The following JAKMIP3 variants were observed in gnomAD, a reference collection of about 807,000 sequenced individuals.
The protein encoded by JAKMIP3 is Janus kinase and microtubule interacting protein 3.
In JAKMIP3, 58 loss-of-function variants were observed where a neutral mutation model predicts 118.5. That is an observed-to-expected ratio of 0.49 (90% CI 0.40 to 0.61). The LOEUF is 0.61. Ranked by LOEUF, JAKMIP3 falls within the 20% of genes least tolerant of loss-of-function variation. The pLI, the probability that JAKMIP3 is intolerant of heterozygous loss-of-function variation, is 0.00. For missense variants in JAKMIP3, 950 were observed against 1,109.0 expected (o/e 0.86, Z 2.04); for synonymous variants, 486 against 451.2 (o/e 1.08, Z -0.98).
At chr10:132,047,870 C>G (rs1448162832) in intron 1 of JAKMIP3, among the ~76,000 whole-genome samples, 1 of 45,548 alleles carries the variant, frequency 2.2e-5, no homozygotes, top group East Asian at 0.042. Context: ...GTGTTCCCCA[C>G]CCCCCGCCCC....
chr10:132,184,255 T>A lies in JAKMIP3; in HGVS notation c.*3002T>A, dbSNP rs2061685093. 6.6e-6 allele frequency: 1 copy of A among 152,262 alleles called. No individual in the cohort carries two copies. The highest frequency in any genetic ancestry group is 2.4e-5 in the African/African-American group (1 of 41,476). The allele number at this position is 152,262 out of a possible 1,614,324, so 9.4% of individuals were successfully genotyped here. On this transcript the variant is annotated 3_prime_UTR_variant, in exon 24 of 24. Transcript: ENST00000684848. ...AGGACTATGGCTGTTCCTTAAAGTC[T>A]CTGCCCTTGCAGAATCTGTAGCCTT...
At chr10:132,042,584 G>T (rs2037796339) in intron 1 of JAKMIP3, among the ~76,000 whole-genome samples, 1 of 152,122 alleles carries the variant, frequency 6.6e-6, no homozygotes, top group African/African-American at 2.4e-5. Flanking sequence ...TCCCCATCCT[G>T]GCTGCAGGGA....
chr10:132,063,773 T>G (rs557671161), upstream of JAKMIP3, among the ~76,000 whole-genome samples: 164 of 152,294 alleles, frequency 1.1e-3, 1 homozygote, highest in African/African-American at 3.9e-3. Flanking sequence ...AAATATTGTT[T>G]CCAATTCTAC....
At chr10:132,155,764 C>G (rs2057016978) in intron 19 of JAKMIP3, among the ~76,000 whole-genome samples, 1 of 152,314 alleles carries the variant, frequency 6.6e-6, no homozygotes, top group African/African-American at 2.4e-5. Context: ...GCAGTGTGCA[C>G]ATGACTGCGT....
At chr10:132,108,426 T>C (rs1488976535) in intron 2 of JAKMIP3, among the ~76,000 whole-genome samples, 4 of 152,132 alleles carry the variant, frequency 2.6e-5, no homozygotes, top group Non-Finnish European at 5.9e-5. Flanking sequence ...AAAATAATTA[T>C]TCTTCATCTC....
At chr10:132,173,013 C>CCT (rs2059688587) in intron 23 of JAKMIP3, among the ~76,000 whole-genome samples, 1 of 28,894 alleles carries the variant, frequency 3.5e-5, no homozygotes, top group African/African-American at 2.1e-4. Flanking sequence ...CTCTCTCTCT[C>CCT]TCCCTCTCTC....
intron 9 of JAKMIP3, among the ~76,000 whole-genome samples, chr10:132,138,628 A>C (rs937781146): frequency 9.2e-5 from 14 of 152,234 alleles, no homozygotes; most frequent in Non-Finnish European, 1.3e-4. Context: ...CATTTTTAAT[A>C]AACTTGTTTC....
In JAKMIP3 at chr10:132,078,593, C is replaced by T. The variant is rs138146803; in HGVS notation, c.-138+12532C>T. ...TGCGCATAACACGCCCCCTTTCCCA[C>T]TGAGCCCAGGGACCTTCTCTGGGGG... On this transcript the variant is annotated intron_variant, in intron 1 of 23. Transcript: ENST00000684848. Among the ~76,000 whole-genome samples the T allele has an allele frequency of 3.9e-3, 553 of 142,114 alleles. 2 individuals are homozygous for T. The highest frequency in any genetic ancestry group is 7.9e-3 in the Admixed American group (110 of 13,882). 93.2% of individuals were successfully genotyped at this position (142,114 alleles called of 152,430 possible). A position where few individuals can be genotyped will look rare whatever the true frequency, so the allele number is the denominator to read the frequency against.
intron 2 of JAKMIP3, among the ~76,000 whole-genome samples, chr10:132,110,454 C>T (rs2046688711): frequency 6.6e-6 from 1 of 152,260 alleles, no homozygotes; most frequent in Non-Finnish European, 1.5e-5. Context: ...GTGGTTAAAT[C>T]CGTTTACATT....
At chr10:132,109,707 G>A (rs962450629) in intron 2 of JAKMIP3, among the ~76,000 whole-genome samples, 7 of 152,080 alleles carry the variant, frequency 4.6e-5, no homozygotes, top group African/African-American at 1.2e-4. Flanking sequence ...GTTGACCTTC[G>A]AGTCTTCCTG....
At chr10:132,076,350 T>C (rs1466584454) in intron 1 of JAKMIP3, among the ~76,000 whole-genome samples, 1 of 152,282 alleles carries the variant, frequency 6.6e-6, no homozygotes, top group South Asian at 2.1e-4. Context: ...TCATTCCTTT[T>C]CATTGCTGGA....
intron 1 of JAKMIP3, among the ~76,000 whole-genome samples, chr10:132,054,658 A>G (rs537120866): frequency 6.6e-6 from 1 of 152,076 alleles, no homozygotes; most frequent in African/African-American, 2.4e-5. Flanking sequence ...TTAAGGGAGG[A>G]GGGGGTCACC....
At chr10:132,161,493 G>A (rs2058303537) in intron 19 of JAKMIP3, among the ~76,000 whole-genome samples, 1 of 88,198 alleles carries the variant, frequency 1.1e-5, no homozygotes, top group African/African-American at 4.6e-5. Flanking sequence ...TGTGATGCTG[G>A]GGGGGTCTCT....
At chr10:132,065,568 C>T (rs922740206), upstream of JAKMIP3, among the ~76,000 whole-genome samples, 14 of 152,136 alleles carry the variant, frequency 9.2e-5, no homozygotes, top group Non-Finnish European at 1.6e-4. This position sits in a 1 kb window ranked among gnomAD's most constrained non-coding sequence, Gnocchi z 5.6. Flanking sequence ...ATGGCCCAGC[C>T]GTGGCCTCTG....
chr10:132,108,165 G>GTT (rs2046215161), intron 2 of JAKMIP3, among the ~76,000 whole-genome samples: 1 of 152,196 alleles, frequency 6.6e-6, no homozygotes, highest in African/African-American at 2.4e-5. Flanking sequence ...CTGCCAGGGG[G>GTT]TTCTTTCTAG....
intron 19 of JAKMIP3, among the ~76,000 whole-genome samples, chr10:132,159,823 GGGCCTCTCCCTGTGT>G: frequency 5.5e-5 from 5 of 90,658 alleles, no homozygotes; most frequent in African/African-American, 2.0e-4. Flanking sequence ...TGATGCTGGG[GGGCCTCTCCCTGTGT>G]GATGCTGGGG....
At chr10:132,119,016 G>C (rs116526855) in intron 3 of JAKMIP3, among the ~76,000 whole-genome samples, 1 of 152,110 alleles carries the variant, frequency 6.6e-6, no homozygotes, top group Admixed American at 6.5e-5. Flanking sequence ...GTAAAGGCTC[G>C]TAACAGAAAC....
At chr10:132,180,658 CGTGTGTGCGTGTGTGT>C (rs2060982781) in intron 23 of JAKMIP3, among the ~76,000 whole-genome samples, 2 of 8,422 alleles carry the variant, frequency 2.4e-4, no homozygotes, top group Admixed American at 1.3e-3. Flanking sequence ...TGTGCGTGTG[CGTGTGTGCGTGTGTGT>C]GCGCGCGCGT....
chr10:132,168,244 G>C lies in JAKMIP3; in HGVS notation c.*314G>C. ...GACGGCAGCCCCCATCCCATTTCCA[G>C]GGATGTGTAGCATTCCCTGCCAAGC... On this transcript the variant is annotated 3_prime_UTR_variant, in exon 23 of 24. Transcript: ENST00000684848. 7.8e-7 allele frequency: 1 copy of C among 1,289,314 alleles called. No individual in the cohort carries two copies. Among genetic ancestry groups the C allele is most frequent in the Non-Finnish European group, 1.0e-6 (1 of 988,734 alleles). 79.9% of individuals were successfully genotyped at this position (1,289,314 alleles called of 1,614,324 possible). A position where few individuals can be genotyped will look rare whatever the true frequency, so the allele number is the denominator to read the frequency against.
Sources: gnomAD v4.1 joint callset for allele counts (sites outside exome capture counted in the v4.1 genomes callset) on GRCh38, gnomAD v4.1.1 for gene constraint, Gnocchi (gnomAD v3.1) non-coding constraint, MANE v1.5 for transcripts, NCBI Gene and HGNC (gene_info 2026-07-23, HGNC 2026-07-21) for gene names.